Variants in CDH18 observed in about 807,000 individuals in gnomAD.
CDH18 encodes the protein cadherin-18.
In CDH18, 31 loss-of-function variants were observed where a neutral mutation model predicts 67.9. The observed-to-expected ratio is 0.46, with a 90% CI of 0.34 to 0.62. CDH18 has a LOEUF of 0.62. CDH18 is among the 20% of genes least tolerant of loss of function. The probability of loss-of-function intolerance (pLI) is 0.01; values close to 1 mark genes in which losing one functional copy is unlikely to be tolerated. For missense variants in CDH18, 890 were observed against 975.5 expected, an observed-to-expected ratio of 0.91 and a Z score of 1.17; for synonymous variants, 362 against 347.2, an observed-to-expected ratio of 1.04 and a Z score of -0.48.
At chr5:20,098,082 T>C (rs1380849904) in intron 2 of CDH18, among the ~76,000 whole-genome samples, 1 of 151,996 alleles carries the variant, frequency 6.6e-6, no homozygotes, top group East Asian at 1.9e-4. Flanking sequence ...CAATTTTTCT[T>C]TGTAAGTAAT....
intron 1 of CDH18, among the ~76,000 whole-genome samples, chr5:20,385,280 G>A (rs543503904): frequency 3.1e-4 from 47 of 152,208 alleles, no homozygotes; most frequent in Non-Finnish European, 6.5e-4. Flanking sequence ...AGTATGTTCT[G>A]GACAAACTCT....
chr5:20,462,238 T>G (rs1751314652), intron 1 of CDH18, among the ~76,000 whole-genome samples: 1 of 152,148 alleles, frequency 6.6e-6, no homozygotes, highest in African/African-American at 2.4e-5. Context: ...GAAGTCACTG[T>G]GTTAAATGAA....
chr5:20,212,702 GAAAAA>G (rs34010482), intron 2 of CDH18, among the ~76,000 whole-genome samples: 6 of 142,862 alleles, frequency 4.2e-5, no homozygotes, highest in Non-Finnish European at 7.7e-5. Flanking sequence ...GGTTAGAAAA[GAAAAA>G]AAAAAACATA....
At chr5:19,684,310 A>T (rs1479917353) in intron 5 of CDH18, among the ~76,000 whole-genome samples, 1 of 151,726 alleles carries the variant, frequency 6.6e-6, no homozygotes, top group Non-Finnish European at 1.5e-5. Flanking sequence ...CATTTAATTT[A>T]TACATTTTTC....
chr5:20,498,102 A>C (rs1754018590), intron 1 of CDH18, among the ~76,000 whole-genome samples: 2 of 152,094 alleles, frequency 1.3e-5, no homozygotes, highest in Admixed American at 1.3e-4. Context: ...TGTGAAAAAT[A>C]TTTTTTGGTT....
intron 3 of CDH18, among the ~76,000 whole-genome samples, chr5:19,784,773 T>G (rs1354376733): frequency 6.6e-6 from 1 of 152,198 alleles, no homozygotes; most frequent in Non-Finnish European, 1.5e-5. Flanking sequence ...ACTAGGAGTC[T>G]GACACCTTTT....
chr5:20,299,437 C>G (rs1483988659), intron 1 of CDH18, among the ~76,000 whole-genome samples: 1 of 145,108 alleles, frequency 6.9e-6, no homozygotes, highest in Non-Finnish European at 1.5e-5. Context: ...CACACACACA[C>G]ACACACACAC....
intron 2 of CDH18, among the ~76,000 whole-genome samples, chr5:19,935,242 G>A (rs1006022726): frequency 6.6e-6 from 1 of 151,106 alleles, no homozygotes; most frequent in African/African-American, 2.4e-5. Flanking sequence ...AACTTGGAAA[G>A]ATGAGAATTA....
intron 2 of CDH18, among the ~76,000 whole-genome samples, chr5:19,875,401 TAGA>T (rs1786832717): frequency 7.1e-6 from 1 of 140,772 alleles, no homozygotes; most frequent in Non-Finnish European, 1.5e-5. Flanking sequence ...TGGGTATAGA[TAGA>T]TAGATAGATA....
At chr5:19,584,807 A>AAG (rs1743873833) in intron 7 of CDH18, among the ~76,000 whole-genome samples, 1 of 148,540 alleles carries the variant, frequency 6.7e-6, no homozygotes, top group African/African-American at 2.5e-5. Flanking sequence ...AAAAAAAAAA[A>AAG]AAAAAGAAAA....
intron 1 of CDH18, among the ~76,000 whole-genome samples, chr5:20,486,901 T>C (rs1216796050): frequency 6.6e-6 from 1 of 152,166 alleles, no homozygotes; most frequent in Non-Finnish European, 1.5e-5. Flanking sequence ...ATGGTTTTTG[T>C]TGCTGGGATG....
At chr5:20,438,553 G>A (rs1749355175) in intron 1 of CDH18, among the ~76,000 whole-genome samples, 1 of 151,268 alleles carries the variant, frequency 6.6e-6, no homozygotes, top group South Asian at 2.1e-4. Context: ...TCATGTAAAT[G>A]TATTACAAAC....
At chr5:20,192,774 T>C (rs565268610) in intron 2 of CDH18, among the ~76,000 whole-genome samples, 54 of 152,220 alleles carry the variant, frequency 3.5e-4, no homozygotes, top group Non-Finnish European at 7.1e-4. Flanking sequence ...TAATTTGAGG[T>C]CAGGTAGCAT....
chr5:19,900,466 C>A (rs1033391621), intron 2 of CDH18, among the ~76,000 whole-genome samples: 24 of 151,574 alleles, frequency 1.6e-4, no homozygotes, highest in Non-Finnish European at 3.1e-4. Flanking sequence ...ATGTATCAAA[C>A]CCTGATTCGA....
chr5:20,472,404 C>T (rs1034401181), intron 1 of CDH18, among the ~76,000 whole-genome samples: 1 of 152,032 alleles, frequency 6.6e-6, no homozygotes, highest in African/African-American at 2.4e-5. Context: ...GACTTTGGGA[C>T]AATGTAGATC....
intron 5 of CDH18, among the ~76,000 whole-genome samples, chr5:19,719,515 T>C (rs1765741860): frequency 6.6e-6 from 1 of 151,988 alleles, no homozygotes; most frequent in South Asian, 2.1e-4. Context: ...GGCGAGCTTT[T>C]CAACTAATTC....
intron 2 of CDH18, among the ~76,000 whole-genome samples, chr5:20,152,610 G>C (rs1004885617): frequency 6.6e-6 from 1 of 152,040 alleles, no homozygotes; most frequent in East Asian, 1.9e-4. Flanking sequence ...CTCACAGAGG[G>C]CTAATTCTGA....
At chr5:20,296,538 GGC>G (rs1405458763) in intron 1 of CDH18, among the ~76,000 whole-genome samples, 1 of 152,096 alleles carries the variant, frequency 6.6e-6, no homozygotes, top group African/African-American at 2.4e-5. Context: ...TGGGATTACA[GGC>G]GTGAGCCACC....
chr5:19,979,444 C>T (rs1798820783), intron 2 of CDH18, among the ~76,000 whole-genome samples: 1 of 151,974 alleles, frequency 6.6e-6, no homozygotes, highest in Admixed American at 6.6e-5. Context: ...ACTTAAAAGT[C>T]TGGGCATAAA....
Sources: gnomAD v4.1 joint callset for allele counts (sites outside exome capture counted in the v4.1 genomes callset) on GRCh38, gnomAD v4.1.1 for gene constraint, MANE v1.5 for transcripts, NCBI Gene and HGNC (gene_info 2026-07-23, HGNC 2026-07-21) for gene names.